INSR: variants seen among roughly 807,000 people sequenced by gnomAD.
INSR encodes IR.
A neutral mutation model predicts 142.6 loss-of-function variants in INSR; 67 were observed. The ratio of observed to expected loss-of-function variants is 0.47; its 90% CI spans 0.39 to 0.58. INSR has a LOEUF of 0.58. Among genes scored for constraint, INSR ranks in the 20% least tolerant of loss-of-function variants. The pLI is 0.00. For missense variants in INSR, 1,248 were observed against 1,833.2 expected, an observed-to-expected ratio of 0.68 and a Z score of 5.83; for synonymous variants, 756 against 743.1, an observed-to-expected ratio of 1.02 and a Z score of -0.28.
Position 7,247,032 on chromosome 19 carries a change from C to T in INSR, c.652+20313G>A, listed in dbSNP as rs746415495. On this transcript the variant is annotated intron_variant, in intron 2 of 21. Coordinates refer to ENST00000302850, the MANE Select transcript of INSR (RefSeq NM_000208.4). ...AATATAAATTCCAAGGTCTGTGTTT[C>T]AGAGTGGTTTGCTACACAGCAAAAG... 2.9e-4 allele frequency among the ~76,000 whole-genome samples: 44 copies of T among 151,768 alleles called. 2 individuals carry two copies. Among genetic ancestry groups the T allele is most frequent in the Non-Finnish European group, 4.9e-4 (33 of 68,030 alleles).
In INSR at chr19:7,141,791, A is replaced by C. The variant is rs1265025817; in HGVS notation, c.2568T>G (p.Pro856=). ...TGTTCTCAAAGATTTCATGCGTCAC[A>C]GGGCCAACAATGTCATCAGCCTTGG... ...PEAKADDIVG[P]VTHEIFENNV... Residue 856 remains proline (P), a synonymous_variant, in exon 13 of 22, where the codon CCT becomes CCG. Coordinates refer to ENST00000302850, the MANE Select transcript of INSR (RefSeq NM_000208.4). 1.2e-6 allele frequency: 2 copies of C among 1,614,048 alleles called. No individual in the cohort carries two copies. The highest frequency in any genetic ancestry group is 1.7e-6 in the Non-Finnish European group (2 of 1,180,010).
chr19:7,168,081 T>A lies in INSR; in HGVS notation c.1497A>T (p.Leu499Phe). The A allele has an allele frequency of 6.2e-7, 1 of 1,613,960 alleles. No individual in the cohort carries two copies. The highest frequency in any genetic ancestry group is 1.1e-5 in the South Asian group (1 of 91,066). Reference protein sequence around the residue: ...NGDQASCENELLKFSYIRTSF... With the variant: ...NGDQASCENEFLKFSYIRTSF... ...ATGTCCGAATGTAAGAAAATTTAAG[T>A]AACTCATTTTCACCTGGAAAAGTTA... The change falls in exon 7 of 22, where the codon TTA (leucine) becomes TTT (phenylalanine). Residue 499 changes from leucine (L) to phenylalanine (F), a missense_variant. This residue lies in a region of INSR where 1,069 missense variants were observed against 1,654.0 expected (regional missense o/e 0.65). Transcript: ENST00000302850. The surrounding 1 kb of genome is among the most constrained non-coding windows in gnomAD (Gnocchi z 4.3).
At chr19:7,180,802 C>A (rs973861734) in intron 3 of INSR, among the ~76,000 whole-genome samples, 1 of 152,074 alleles carries the variant, frequency 6.6e-6, no homozygotes, top group Non-Finnish European at 1.5e-5. Flanking sequence ...GTAACGACCA[C>A]CACGGCCAGG....
chr19:7,155,742 G>A (rs1028239989), intron 9 of INSR, among the ~76,000 whole-genome samples: 2 of 151,322 alleles, frequency 1.3e-5, no homozygotes, highest in South Asian at 2.1e-4. Context: ...ATGAAACTCC[G>A]TCTCTACCAA....
Position 7,167,985 on chromosome 19 carries a change from C to A in INSR, c.1593G>T (p.Met531Ile). The change falls in exon 7 of 22, where the codon ATG becomes ATT. Residue 531 changes from methionine to isoleucine, a missense_variant. By Grantham distance (10) the Met-to-Ile change is conservative. Around this residue, in one of 3 missense-constraint regions of INSR, gnomAD observed 1,069 missense variants for 1,654.0 expected, o/e 0.65. Coordinates refer to ENST00000302850, the MANE Select transcript of INSR (RefSeq NM_000208.4). ...CTACTTACGCCTCTTTGTAGAACAG[C>A]ATGAACCCCAAGAGGTCTCGGAAGT... ...PPDFRDLLGF[M>I]LFYKEAPYQN... is the part of the protein sequence containing the mutation. 1 of 1,614,082 alleles carries A rather than the reference C, an allele frequency of 6.2e-7. No individual in the cohort carries two copies. Among genetic ancestry groups the A allele is most frequent in the Non-Finnish European group, 8.5e-7 (1 of 1,179,998 alleles).
rs1364364838 is a variant in INSR, at chr19:7,113,857, C to T, written c.*3199G>A. ...TTTGCAAGGGGCAGGCCCAGCACACCCTACCTTTCTCCAGGGCAGGTGGAG... is the reference window on the plus strand; with the variant it reads ...TTTGCAAGGGGCAGGCCCAGCACACTCTACCTTTCTCCAGGGCAGGTGGAG... On this transcript the variant is annotated 3_prime_UTR_variant, in exon 22 of 22. Coordinates refer to ENST00000302850, the MANE Select transcript of INSR (RefSeq NM_000208.4). 1.3e-5 allele frequency: 2 copies of T among 151,932 alleles called. No homozygotes were observed. Among genetic ancestry groups the T allele is most frequent in the African/African-American group, 4.8e-5 (2 of 41,346 alleles). The allele number at this position is 151,932 out of a possible 1,614,324, so 9.4% of individuals were successfully genotyped here.
At chr19:7,291,081 AG>A (rs1356006164) in intron 1 of INSR, among the ~76,000 whole-genome samples, 1 of 151,482 alleles carries the variant, frequency 6.6e-6, no homozygotes, top group African/African-American at 2.4e-5. Context: ...AAAAAAAAAA[AG>A]CCATATTGGT....
intron 2 of INSR, among the ~76,000 whole-genome samples, chr19:7,232,785 G>A (rs186240666): frequency 1.4e-4 from 22 of 151,808 alleles, no homozygotes; most frequent in Non-Finnish European, 3.1e-4. Flanking sequence ...ACTCCAGCCT[G>A]GGCAACAGTG....
At chr19:7,178,287 CCAGAAAGAACAACCCTGTGATCAGAG>C in intron 3 of INSR, among the ~76,000 whole-genome samples, 1 of 148,506 alleles carries the variant, frequency 6.7e-6, no homozygotes. Flanking sequence ...GGGGCGGTCA[CCAGAAAGAACAACCCTGTGATCAGAG>C]GGTTGGGGCT....
At chr19:7,120,069 C>G (rs1972452305) in intron 20 of INSR, among the ~76,000 whole-genome samples, 1 of 152,230 alleles carries the variant, frequency 6.6e-6, no homozygotes, top group Non-Finnish European at 1.5e-5. Context: ...TTGGACAAAC[C>G]TGCTTCCCAT....
chr19:7,166,499 T>C lies in INSR; in HGVS notation c.1611-95A>G. On this transcript the variant is annotated intron_variant, in intron 7 of 21. Coordinates refer to ENST00000302850, the MANE Select transcript of INSR (RefSeq NM_000208.4). This position sits in a 1 kb window ranked among gnomAD's most constrained non-coding sequence, Gnocchi z 4.1. ...GCCTGGGAAGTTACATCCCATAGGG[T>C]CACATGTTACTCACCCAACAATCTA... is the stretch of plus-strand genomic sequence containing the variant. 7.4e-7 allele frequency: 1 copy of C among 1,357,328 alleles called. No individual in the cohort carries two copies. Among genetic ancestry groups the C allele is most frequent in the Non-Finnish European group, 1.0e-6 (1 of 973,438 alleles). The allele number at this position is 1,357,328 out of a possible 1,614,324, so 84.1% of individuals were successfully genotyped here.
Position 7,168,465 on chromosome 19 carries a change from T to C in INSR, c.1484-371A>G, listed in dbSNP as rs1973938402. 6.6e-6 allele frequency among the ~76,000 whole-genome samples: 1 copy of C among 152,204 alleles called. No individual in the cohort carries two copies. Among genetic ancestry groups the C allele is most frequent in the Admixed American group, 6.5e-5 (1 of 15,276 alleles). On this transcript the variant is annotated intron_variant, in intron 6 of 21. Transcript: ENST00000302850. This position sits in a 1 kb window ranked among gnomAD's most constrained non-coding sequence, Gnocchi z 4.3. ...TGTCTCGCATATGGACTTGTAAGAC[T>C]GACCTGGAAGGAGGTGCAACTCCAG... is the stretch of plus-strand genomic sequence containing the variant.
rs745372291 is a variant in INSR, at chr19:7,166,216, G to A, written c.1799C>T (p.Ser600Leu). 62 of 1,613,914 alleles carry A rather than the reference G, an allele frequency of 3.8e-5. No individual in the cohort carries two copies. Among genetic ancestry groups the A allele is most frequent in the South Asian group, 2.5e-4 (23 of 91,088 alleles). ...GGCCCCATAGGTCCGGCGTTCATCC[G>A]AAAAGGTGACCAGGGTCTTCACAAA... ...AIFVKTLVTF[S>L]DERRTYGAKS... The change falls in exon 8 of 22, where the codon TCG (serine) becomes TTG (leucine). Residue 600 changes from serine to leucine, a missense_variant. By Grantham distance (145) the Ser-to-Leu change is moderately radical. Transcript: ENST00000302850. This position sits in a 1 kb window ranked among gnomAD's most constrained non-coding sequence, Gnocchi z 4.1.
intron 2 of INSR, among the ~76,000 whole-genome samples, chr19:7,207,901 AAAGGAAGGAAGGAAGG>A (rs35679001): frequency 1.4e-5 from 1 of 72,746 alleles, no homozygotes; most frequent in African/African-American, 5.2e-5. Flanking sequence ...GGAAGGAAGG[AAAGGAAGGAAGGAAGG>A]AAGGAAGGAA....
intron 2 of INSR, among the ~76,000 whole-genome samples, chr19:7,222,579 G>A (rs944609166): frequency 2.0e-5 from 3 of 152,084 alleles, no homozygotes; most frequent in African/African-American, 7.2e-5. Flanking sequence ...TTTGTTTAGA[G>A]ACAGGGTCTT....
chr19:7,158,345 CA>C (rs529520012), intron 9 of INSR, among the ~76,000 whole-genome samples: 2 of 151,836 alleles, frequency 1.3e-5, no homozygotes, highest in East Asian at 1.9e-4. Context: ...CTAAAAAATA[CA>C]AAAAATTAGC....
intron 2 of INSR, among the ~76,000 whole-genome samples, chr19:7,245,414 C>T (rs1976511076): frequency 6.6e-6 from 1 of 152,112 alleles, no homozygotes; most frequent in South Asian, 2.1e-4. Context: ...ATCACTTGCA[C>T]CCAGGAGTTT....
intron 14 of INSR, 72 bp from the exon 15 acceptor site, chr19:7,129,026 C>A: frequency 7.9e-7 from 1 of 1,259,116 alleles, no homozygotes; most frequent in South Asian, 1.2e-5. Context: ...AAAATCACAT[C>A]CACTCCTGGA....
intron 2 of INSR, among the ~76,000 whole-genome samples, chr19:7,264,606 G>A (rs1967666390): frequency 6.6e-6 from 1 of 152,188 alleles, no homozygotes; most frequent in African/African-American, 2.4e-5. Context: ...TTTCTAAACA[G>A]AGAGGACATC....
Sources: allele counts gnomAD v4.1 joint callset (sites outside exome capture counted in the v4.1 genomes callset), GRCh38; gene constraint gnomAD v4.1.1; regional missense constraint gnomAD v4.1.1; non-coding constraint Gnocchi (gnomAD v3.1); transcripts MANE v1.5; gene names NCBI Gene and HGNC (gene_info 2026-07-23, HGNC 2026-07-21).